Variants in CNTNAP2 observed in about 807,000 individuals in gnomAD.
The protein encoded by CNTNAP2 is contactin associated protein 2.
In CNTNAP2, 98 loss-of-function variants were observed where a neutral mutation model predicts 155.2. The observed-to-expected ratio is 0.63, with a 90% CI of 0.54 to 0.75. The LOEUF (loss-of-function observed/expected upper bound fraction) is 0.75, where lower values mean the gene tolerates loss of function less well. Among genes scored for constraint, CNTNAP2 ranks in the 30% least tolerant of loss-of-function variants. The probability of loss-of-function intolerance (pLI) is 0.00; values close to 1 mark genes in which losing one functional copy is unlikely to be tolerated. For missense variants in CNTNAP2, 1,727 were observed against 1,688.1 expected (o/e 1.02, Z -0.40); for synonymous variants, 651 against 631.2 (o/e 1.03, Z -0.47).
At chr7:146,146,943 TCAAA>T (rs1480001222) in intron 1 of CNTNAP2, among the ~76,000 whole-genome samples, 1 of 152,156 alleles carries the variant, frequency 6.6e-6, no homozygotes, top group Non-Finnish European at 1.5e-5. Flanking sequence ...AGTCTTTCTG[TCAAA>T]CAAACACACA....
At chr7:147,033,451 C>T (rs1035400444) in intron 3 of CNTNAP2, among the ~76,000 whole-genome samples, 1 of 151,606 alleles carries the variant, frequency 6.6e-6, no homozygotes, top group African/African-American at 2.4e-5. Context: ...ACTAGGAAAC[C>T]CTTACACATT....
chr7:147,092,679 T>C (rs1453559414), intron 4 of CNTNAP2, among the ~76,000 whole-genome samples: 2 of 152,216 alleles, frequency 1.3e-5, no homozygotes. Flanking sequence ...ATTCTGAGCT[T>C]CACCATAGAG....
chr7:147,060,927 T>G (rs866684816), intron 4 of CNTNAP2, among the ~76,000 whole-genome samples: 1 of 152,146 alleles, frequency 6.6e-6, no homozygotes, highest in Admixed American at 6.5e-5. Flanking sequence ...ATACTAATCA[T>G]ATTTCTGAGA....
chr7:146,908,904 A>G (rs968527251), intron 3 of CNTNAP2, among the ~76,000 whole-genome samples: 6 of 149,160 alleles, frequency 4.0e-5, no homozygotes, highest in South Asian at 2.2e-4. Flanking sequence ...ATAGACCACT[A>G]GCAAGACTAA....
intron 15 of CNTNAP2, among the ~76,000 whole-genome samples, chr7:147,998,261 G>A (rs1801842360): frequency 1.3e-5 from 2 of 151,720 alleles, no homozygotes; most frequent in South Asian, 4.2e-4. Context: ...ACAGGCGCCC[G>A]CCACCACGTC....
intron 13 of CNTNAP2, among the ~76,000 whole-genome samples, chr7:147,694,872 A>G (rs1240806554): frequency 6.6e-6 from 1 of 151,734 alleles, no homozygotes; most frequent in Non-Finnish European, 1.5e-5. Flanking sequence ...TTCTTTGCCT[A>G]CTTTGGAATT....
At chr7:146,649,639 C>A (rs930105808) in intron 1 of CNTNAP2, among the ~76,000 whole-genome samples, 6 of 152,022 alleles carry the variant, frequency 3.9e-5, no homozygotes, top group African/African-American at 1.4e-4. Flanking sequence ...AAAACATTTT[C>A]AAAAATTTAC....
intron 9 of CNTNAP2, among the ~76,000 whole-genome samples, chr7:147,352,596 C>T (rs1233262302): frequency 6.6e-6 from 1 of 151,974 alleles, no homozygotes; most frequent in East Asian, 1.9e-4. Flanking sequence ...CTAATTGGTG[C>T]TATACTTTAT....
intron 9 of CNTNAP2, among the ~76,000 whole-genome samples, chr7:147,350,044 C>A (rs2116876558): frequency 6.6e-6 from 1 of 151,936 alleles, no homozygotes; most frequent in African/African-American, 2.4e-5. Context: ...AACATCATTC[C>A]TGTTATGTTT....
intron 1 of CNTNAP2, among the ~76,000 whole-genome samples, chr7:146,475,897 TGAA>T (rs1301481158): frequency 1.3e-5 from 2 of 152,100 alleles, no homozygotes; most frequent in African/African-American, 4.8e-5. Context: ...ACAGAGAAGC[TGAA>T]GAATTTAGTT....
chr7:146,682,257 T>C (rs2533120), intron 1 of CNTNAP2, among the ~76,000 whole-genome samples: 107,806 of 151,922 alleles, frequency 0.71, 39,103 homozygotes, highest in South Asian at 0.86. Context: ...ATATTTTTAA[T>C]GTAAGTACTC....
chr7:146,204,894 C>T (rs985982350), intron 1 of CNTNAP2, among the ~76,000 whole-genome samples: 5 of 151,850 alleles, frequency 3.3e-5, no homozygotes, highest in African/African-American at 1.2e-4. Flanking sequence ...TGAAGCCAGA[C>T]ATGGGAACAT....
chr7:147,161,622 T>TTCTGTC (rs10632401), intron 8 of CNTNAP2: 1 of 151,376 alleles, frequency 6.6e-6, no homozygotes, highest in Non-Finnish European at 1.5e-5. Context: ...TCATTCAGTA[T>TTCTGTC]TCTCTCTCTC....
intron 1 of CNTNAP2, among the ~76,000 whole-genome samples, chr7:146,649,909 A>G (rs931983884): frequency 2.0e-5 from 3 of 152,210 alleles, no homozygotes; most frequent in Admixed American, 1.3e-4. Context: ...AACATATGAA[A>G]AAAAAGTCAC....
intron 17 of CNTNAP2, among the ~76,000 whole-genome samples, chr7:148,151,460 C>T (rs1035153890): frequency 2.6e-5 from 4 of 152,064 alleles, no homozygotes; most frequent in South Asian, 2.1e-4. Context: ...CATGTGCCAC[C>T]GTGACTGGCT....
At chr7:146,632,629 C>T (rs1300937914) in intron 1 of CNTNAP2, among the ~76,000 whole-genome samples, 7 of 151,874 alleles carry the variant, frequency 4.6e-5, no homozygotes, top group Middle Eastern at 6.8e-3. Flanking sequence ...TTAACCATAA[C>T]GTAGAGTAAC....
chr7:147,370,295 T>A (rs1192501615), intron 9 of CNTNAP2, among the ~76,000 whole-genome samples: 1 of 152,222 alleles, frequency 6.6e-6, no homozygotes, highest in Non-Finnish European at 1.5e-5. Flanking sequence ...ATTTGATAAA[T>A]TCTTAGTCAT....
At chr7:148,192,211 T>C (rs1370112008) in intron 18 of CNTNAP2, among the ~76,000 whole-genome samples, 1 of 151,974 alleles carries the variant, frequency 6.6e-6, no homozygotes. Context: ...GCTTCTAAGG[T>C]CTCCATCACT....
At chr7:148,025,052 T>G (rs1293559638) in intron 15 of CNTNAP2, among the ~76,000 whole-genome samples, 1 of 152,224 alleles carries the variant, frequency 6.6e-6, no homozygotes, top group African/African-American at 2.4e-5. Flanking sequence ...GCTTAGGGAC[T>G]GAAACCATGT....
Sources: gnomAD v4.1 joint callset for allele counts (sites outside exome capture counted in the v4.1 genomes callset) on GRCh38, gnomAD v4.1.1 for gene constraint, MANE v1.5 for transcripts, NCBI Gene and HGNC (gene_info 2026-07-23, HGNC 2026-07-21) for gene names.